The following TCF20 variants were observed in gnomAD, a reference collection of about 807,000 sequenced individuals.
The protein encoded by TCF20 is transcription factor 20.
TCF20 carries 3 observed loss-of-function variants against 148.6 expected under a neutral mutation model. That is an observed-to-expected ratio of 0.02 (90% CI 0.01 to 0.05). TCF20 has a LOEUF of 0.05. Among genes scored for constraint, TCF20 ranks in the 10% least tolerant of loss-of-function variants. The pLI is 1.00. For missense variants in TCF20, 2,350 were observed against 2,429.3 expected (o/e 0.97, Z 0.69); for synonymous variants, 1,049 against 909.5 (o/e 1.15, Z -2.76).
intron 1 of TCF20, among the ~76,000 whole-genome samples, chr22:42,263,899 CTG>C (rs1262290911): frequency 1.3e-5 from 2 of 152,162 alleles, no homozygotes; most frequent in South Asian, 2.1e-4. Flanking sequence ...ACCCTTGATT[CTG>C]TCAGTATAAA....
chr22:42,169,362 C>T (rs1480347175), intron 4 of TCF20, among the ~76,000 whole-genome samples: 2 of 152,070 alleles, frequency 1.3e-5, no homozygotes, highest in African/African-American at 2.4e-5. Flanking sequence ...CCCGAGACAG[C>T]CCATCCACTG....
rs983396051 is a variant in TCF20 at position 42,270,428 on chromosome 22, G to T, written c.-126C>A. 6.8e-6 allele frequency among the ~76,000 whole-genome samples: 1 copy of T among 146,504 alleles called. No homozygotes were observed. Among genetic ancestry groups the T allele is most frequent in the African/African-American group, 2.5e-5 (1 of 40,508 alleles). ...GACGGCGGGCGGCGCTGCGCGGGGT[G>T]GGGGTGGGGGTGGCTCCGCCGCCTC... On this transcript the variant is annotated 5_prime_UTR_variant, in exon 1 of 6. Coordinates refer to ENST00000677622, the MANE Select transcript of TCF20 (RefSeq NM_001378418.1).
At chr22:42,265,334 G>T (rs1050453189) in intron 1 of TCF20, among the ~76,000 whole-genome samples, 1 of 151,948 alleles carries the variant, frequency 6.6e-6, no homozygotes, top group Non-Finnish European at 1.5e-5. Flanking sequence ...TTTTGGACAG[G>T]ATCTTGCTCT....
At chr22:42,293,915 G>C (rs1027174704) in intron 1 of TCF20, among the ~76,000 whole-genome samples, 1 of 152,200 alleles carries the variant, frequency 6.6e-6, no homozygotes, top group South Asian at 2.1e-4. Context: ...CAGGAGAATC[G>C]CTTGAACCCT....
chr22:42,176,121 C>T (rs904228108), intron 3 of TCF20, among the ~76,000 whole-genome samples: 1 of 152,198 alleles, frequency 6.6e-6, no homozygotes, highest in Admixed American at 6.5e-5. Flanking sequence ...CCTATCTTTC[C>T]GTTGATCAAA....
intron 1 of TCF20, among the ~76,000 whole-genome samples, chr22:42,324,877 G>A (rs1483584948): frequency 6.6e-6 from 1 of 152,220 alleles, no homozygotes; most frequent in Non-Finnish European, 1.5e-5. Context: ...GGCCCTGAGG[G>A]AATACAAGGC....
In TCF20 at chr22:42,297,864, G is replaced by A. The variant is rs1927263768; in HGVS notation, c.-37+45615C>T. Among the ~76,000 whole-genome samples, 2 of 152,112 alleles carry A rather than the reference G, an allele frequency of 1.3e-5. No individual in the cohort carries two copies. Among genetic ancestry groups the A allele is most frequent in the South Asian group, 2.1e-4 (1 of 4,826 alleles). On this transcript the variant is annotated intron_variant, in intron 1 of 1. Coordinates refer to the TCF20 transcript ENST00000515426. This position sits in a 1 kb window ranked among gnomAD's most constrained non-coding sequence, Gnocchi z 4.3. ...CCCAGGGTGGAAGGAACACATGGAGGGTTCACAGCAGGGCTCCTCTCTGGC... is the reference window on the plus strand; with the variant it reads ...CCCAGGGTGGAAGGAACACATGGAGAGTTCACAGCAGGGCTCCTCTCTGGC...
At chr22:42,192,074 C>T (rs893449327) in intron 2 of TCF20, among the ~76,000 whole-genome samples, 1 of 152,112 alleles carries the variant, frequency 6.6e-6, no homozygotes, top group African/African-American at 2.4e-5. Flanking sequence ...TCTAAAAAGG[C>T]ATCTTTTTAA....
chr22:42,332,182 C>T (rs1299206840), intron 1 of TCF20, among the ~76,000 whole-genome samples: 1 of 152,238 alleles, frequency 6.6e-6, no homozygotes. Flanking sequence ...TGATAACATG[C>T]ACCAGGAAGG....
At chr22:42,269,441 G>C (rs1158439802) in intron 1 of TCF20, among the ~76,000 whole-genome samples, 2 of 152,142 alleles carry the variant, frequency 1.3e-5, no homozygotes, top group Non-Finnish European at 2.9e-5. Context: ...CACAAGCAGA[G>C]GAAGACGGCC....
intron 1 of TCF20, among the ~76,000 whole-genome samples, chr22:42,268,083 C>G (rs191420550): frequency 7.2e-4 from 109 of 150,456 alleles, no homozygotes; most frequent in African/African-American, 2.6e-3. Flanking sequence ...GAGGTAGAGG[C>G]TGCAGTGAGC....
In TCF20 at chr22:42,214,004, G is replaced by A. The variant is rs994458145; in HGVS notation, c.1302C>T (p.Gly434=). Reference sequence around the variant, plus strand: ...CCCCTTCTAGTCCAAACCCTTTGAAGCCTGCAGCATGAGAATTAGGACTGG... The same window carrying A: ...CCCCTTCTAGTCCAAACCCTTTGAAACCTGCAGCATGAGAATTAGGACTGG... ...MMPSPNSHAA[G]FKGFGLEGVP... is the part of the protein sequence containing the mutation. The change falls in exon 2 of 6, where the codon GGC becomes GGT. Residue 434 remains glycine, a synonymous_variant. Coordinates refer to ENST00000677622, the MANE Select transcript of TCF20 (RefSeq NM_001378418.1). 3.1e-6 allele frequency: 5 copies of A among 1,614,182 alleles called. No individual in the cohort carries two copies. The highest frequency in any genetic ancestry group is 4.2e-6 in the Non-Finnish European group (5 of 1,180,042).
At chr22:42,269,426 C>A (rs1326208703) in intron 1 of TCF20, among the ~76,000 whole-genome samples, 3 of 152,064 alleles carry the variant, frequency 2.0e-5, no homozygotes, top group Non-Finnish European at 4.4e-5. Flanking sequence ...GACAATAATC[C>A]CACCCACAAG....
At chr22:42,223,873 A>G (rs1922605198) in intron 1 of TCF20, among the ~76,000 whole-genome samples, 1 of 152,200 alleles carries the variant, frequency 6.6e-6, no homozygotes, top group Non-Finnish European at 1.5e-5. Context: ...ACATGGGCAG[A>G]GCCTATATTT....
At chr22:42,325,405 G>T (rs1927856885) in intron 1 of TCF20, among the ~76,000 whole-genome samples, 1 of 151,998 alleles carries the variant, frequency 6.6e-6, no homozygotes, top group Non-Finnish European at 1.5e-5. Flanking sequence ...GGCCCTTGGG[G>T]CCAGGCCCAC....
upstream of TCF20, among the ~76,000 whole-genome samples, chr22:42,284,186 G>A (rs1043448650): frequency 1.3e-5 from 2 of 152,224 alleles, no homozygotes; most frequent in Non-Finnish European, 2.9e-5. Context: ...CGGAGAGCGC[G>A]TGCCAGCGTG....
At chr22:42,308,263 C>T (rs369773223) in intron 1 of TCF20, among the ~76,000 whole-genome samples, 1 of 152,044 alleles carries the variant, frequency 6.6e-6, no homozygotes, top group Non-Finnish European at 1.5e-5. Context: ...ACCCCTTGGA[C>T]GTGAAGCAAG....
At chr22:42,173,183 C>T (rs1936232857) in intron 3 of TCF20, among the ~76,000 whole-genome samples, 1 of 150,872 alleles carries the variant, frequency 6.6e-6, no homozygotes, top group Admixed American at 6.6e-5. Context: ...TATTAATGAG[C>T]TACCACAGCC....
At position 42,211,043 on chromosome 22, in the gene TCF20, G is replaced by T. The variant is rs760541052; in HGVS notation, c.4263C>A (p.Asn1421Lys). ...GAGGTTTCTCTACGTGCAACTCCTGGTTTGCTGGACTGACTAGGTCCGAAG... is the reference window on the plus strand; with the variant it reads ...GAGGTTTCTCTACGTGCAACTCCTGTTTTGCTGGACTGACTAGGTCCGAAG... ...EVASDLVSPA[N>K]QELHVEKPLP... is the part of the protein sequence containing the mutation. The change falls in exon 2 of 6, where the codon AAC becomes AAA. Residue 1421 changes from asparagine to lysine, a missense_variant. Asn to Lys is a moderately conservative substitution (Grantham distance 94). Coordinates refer to ENST00000677622, the MANE Select transcript of TCF20 (RefSeq NM_001378418.1). The T allele has an allele frequency of 6.2e-7, 1 of 1,614,116 alleles. No homozygotes were observed. The highest frequency in any genetic ancestry group is 1.1e-5 in the South Asian group (1 of 91,064).
Sources: allele counts gnomAD v4.1 joint callset (sites outside exome capture counted in the v4.1 genomes callset), GRCh38; gene constraint gnomAD v4.1.1; non-coding constraint Gnocchi (gnomAD v3.1); transcripts MANE v1.5; gene names NCBI Gene and HGNC (gene_info 2026-07-23, HGNC 2026-07-21).